AP3B1: variants seen among roughly 807,000 people sequenced by gnomAD.
AP3B1 encodes the protein adaptor related protein complex 3 subunit beta 1.
AP3B1 carries 61 observed loss-of-function variants against 132.5 expected under a neutral mutation model. That is an observed-to-expected ratio of 0.46 (90% confidence interval 0.37 to 0.57). The LOEUF is 0.57. Ranked by LOEUF, AP3B1 falls within the 20% of genes least tolerant of loss-of-function variation. The pLI is 0.00. For missense variants in AP3B1, 1,120 were observed against 1,289.4 expected (o/e 0.87, Z 2.01); for synonymous variants, 388 against 438.3 (o/e 0.89, Z 1.43).
chr5:78,015,524 G>GTT lies in AP3B1; in HGVS notation c.3015_3016dup (p.Thr1006LysfsTer5), dbSNP rs1746822963. ...TGGTGCAGCAATGATTACAGCAGAA[G>GTT]TTTCATTCATTCCTGTTAGCACTCC... is the stretch of plus-strand genomic sequence containing the variant. On this transcript the variant is annotated frameshift_variant, in exon 26 of 27. Transcript: ENST00000255194. LOFTEE classifies it high-confidence loss of function. 6.2e-7 allele frequency: 1 copy of GTT among 1,613,468 alleles called. No individual in the cohort carries two copies. Among genetic ancestry groups the GTT allele is most frequent in the Non-Finnish European group, 8.5e-7 (1 of 1,179,752 alleles).
chr5:78,173,286 A>G (rs1744002629), intron 11 of AP3B1, among the ~76,000 whole-genome samples: 1 of 152,128 alleles, frequency 6.6e-6, no homozygotes, highest in African/African-American at 2.4e-5. Flanking sequence ...CTTGGTGCAG[A>G]GCTGAGTTCA....
intron 9 of AP3B1, among the ~76,000 whole-genome samples, chr5:78,176,484 T>A (rs1007629588): frequency 6.6e-6 from 1 of 152,186 alleles, no homozygotes. Context: ...TAAGTTCCAG[T>A]TAAGGGCAAA....
intron 2 of AP3B1, among the ~76,000 whole-genome samples, chr5:78,243,419 A>G (rs1436032085): frequency 1.3e-5 from 2 of 152,232 alleles, no homozygotes; most frequent in Non-Finnish European, 2.9e-5. Context: ...CACCACAATC[A>G]AATTCACTCA....
At chr5:78,178,898 G>T (rs1003943781) in intron 8 of AP3B1, among the ~76,000 whole-genome samples, 2 of 151,804 alleles carry the variant, frequency 1.3e-5, no homozygotes, top group Non-Finnish European at 2.9e-5. Flanking sequence ...AAAAAAAAAA[G>T]TTTCTTCTGA....
chr5:78,233,338 A>G (rs918899235), intron 3 of AP3B1, among the ~76,000 whole-genome samples: 17 of 150,934 alleles, frequency 1.1e-4, no homozygotes, highest in Admixed American at 1.3e-4. Flanking sequence ...GGTTCAAGCG[A>G]TTGTCCTGTC....
intron 17 of AP3B1, among the ~76,000 whole-genome samples, chr5:78,127,525 C>T (rs899201089): frequency 6.6e-6 from 1 of 152,080 alleles, no homozygotes; most frequent in African/African-American, 2.4e-5. Flanking sequence ...CCATATTATT[C>T]ACTTTGTGAC....
At chr5:78,238,057 A>C (rs1348480089) in intron 3 of AP3B1, among the ~76,000 whole-genome samples, 1 of 152,242 alleles carries the variant, frequency 6.6e-6, no homozygotes, top group Non-Finnish European at 1.5e-5. Flanking sequence ...GCCACACAGC[A>C]GGCAGTGAGC....
chr5:78,122,148 C>A lies in AP3B1; in HGVS notation c.1968+5882G>T, dbSNP rs558447378. 1.8e-4 allele frequency among the ~76,000 whole-genome samples: 27 copies of A among 152,220 alleles called. No individual in the cohort carries two copies. The East Asian group carries it at 3.9e-3, about 22-fold the overall frequency. ...ACGGCCTTTGACAAAATTCAACAAC[C>A]CTTCATGCTAAAAACTCTCAATAAA... On this transcript the variant is annotated intron_variant, in intron 17 of 26. Transcript: ENST00000255194.
chr5:78,083,870 T>G (rs1306868794), intron 22 of AP3B1, among the ~76,000 whole-genome samples: 1 of 152,166 alleles, frequency 6.6e-6, no homozygotes, highest in Non-Finnish European at 1.5e-5. Flanking sequence ...AAAGCAATTG[T>G]TCTTTGGGTT....
chr5:78,148,311 T>G (rs1258823646), intron 14 of AP3B1, among the ~76,000 whole-genome samples: 1 of 152,118 alleles, frequency 6.6e-6, no homozygotes, highest in African/African-American at 2.4e-5. Context: ...GCACAAGAAG[T>G]CTGGGGAGAT....
chr5:78,190,516 G>C (rs149668549), intron 7 of AP3B1, among the ~76,000 whole-genome samples: 371 of 152,292 alleles, frequency 2.4e-3, no homozygotes, highest in Non-Finnish European at 4.2e-3. Context: ...GGTTTTTAAT[G>C]AATCAGAACA....
chr5:78,052,638 CA>C (rs1157611811), intron 22 of AP3B1, among the ~76,000 whole-genome samples: 1 of 152,050 alleles, frequency 6.6e-6, no homozygotes, highest in Non-Finnish European at 1.5e-5. Context: ...TGGCCCTTTA[CA>C]AAAAATGTTT....
intron 18 of AP3B1, among the ~76,000 whole-genome samples, chr5:78,115,331 G>A (rs1007673189): frequency 6.6e-6 from 1 of 152,092 alleles, no homozygotes; most frequent in African/African-American, 2.4e-5. Context: ...AGAGTGACAG[G>A]CCCTGGTTCT....
At chr5:78,292,756 AG>A (rs1561226205) in intron 1 of AP3B1, among the ~76,000 whole-genome samples, 2 of 152,166 alleles carry the variant, frequency 1.3e-5, no homozygotes, top group East Asian at 3.8e-4. Context: ...CTAATCAATT[AG>A]CTACTTTTAT....
chr5:78,238,939 A>C (rs1746996168), intron 3 of AP3B1, among the ~76,000 whole-genome samples: 1 of 150,146 alleles, frequency 6.7e-6, no homozygotes, highest in Non-Finnish European at 1.5e-5. Context: ...TGCACACTAG[A>C]TATAAACAGA....
chr5:78,185,355 TGG>T (rs1744560910), intron 7 of AP3B1, among the ~76,000 whole-genome samples: 4 of 152,180 alleles, frequency 2.6e-5, no homozygotes, highest in Non-Finnish European at 4.4e-5. Flanking sequence ...TTATATTAGA[TGG>T]TTGAAGAAAA....
chr5:78,006,810 G>A (rs985260852), intron 26 of AP3B1, among the ~76,000 whole-genome samples: 2 of 152,104 alleles, frequency 1.3e-5, no homozygotes, highest in Admixed American at 6.6e-5. Context: ...AGGTAAAACT[G>A]TTTGGCTATA....
rs1158049618 is a variant in AP3B1 at position 78,107,485 on chromosome 5, CA to C, written c.2397+2721del. Among the ~76,000 whole-genome samples the C allele has an allele frequency of 2.6e-5, 4 of 151,848 alleles. No individual in the cohort carries two copies. In the East Asian group the frequency reaches 7.7e-4, roughly 29 times the overall value. ...GAAAAAACCTGAATGCCACAGTTGG[CA>C]GAAAAGGAATGAATGGAGAAAGAGA... On this transcript the variant is annotated intron_variant, in intron 20 of 26. Transcript: ENST00000255194.
At chr5:78,003,572 A>G (rs1373929577) in intron 26 of AP3B1, 3 of 288,350 alleles carry the variant, frequency 1.0e-5, no homozygotes, top group Non-Finnish European at 1.6e-5. Flanking sequence ...GAATTCACTC[A>G]TGTAACAATA....
Sources: allele counts gnomAD v4.1 joint callset (sites outside exome capture counted in the v4.1 genomes callset), GRCh38; gene constraint gnomAD v4.1.1; transcripts MANE v1.5; gene names NCBI Gene and HGNC (gene_info 2026-07-23, HGNC 2026-07-21).